The following KTN1 variants were observed in gnomAD, a reference collection of about 807,000 sequenced individuals.
The protein encoded by KTN1 is kinectin.
Under a neutral mutation model 222.5 loss-of-function variants are expected in KTN1, and 130 were observed. The observed-to-expected ratio is 0.58, with a 90% CI of 0.51 to 0.68. The LOEUF (loss-of-function observed/expected upper bound fraction) is 0.68, where lower values mean the gene tolerates loss of function less well. Ranked by LOEUF, KTN1 falls within the 30% of genes least tolerant of loss-of-function variation. The pLI is 0.00. For missense variants in KTN1, 1,508 were observed against 1,500.4 expected, an observed-to-expected ratio of 1.01 and a Z score of -0.08; for synonymous variants, 512 against 496.3, an observed-to-expected ratio of 1.03 and a Z score of -0.42.
intron 42 of KTN1, 185 bp downstream of exon 42, chr14:55,678,629 T>C (rs1427151697): frequency 9.0e-6 from 5 of 554,166 alleles, no homozygotes; most frequent in Non-Finnish European, 1.6e-5. Context: ...TTTTAAGGGT[T>C]GTGTTGAGAG....
intron 1 of KTN1, among the ~76,000 whole-genome samples, chr14:55,586,418 T>TTATCATATCA (rs147864058): frequency 1.9e-4 from 28 of 149,742 alleles, no homozygotes; most frequent in African/African-American, 6.8e-4. Flanking sequence ...TTTAGGTGCA[T>TTATCATATCA]TATCATATCA....
intron 6 of KTN1, 126 bp downstream of exon 6, chr14:55,628,154 T>C (rs1001880999): frequency 4.8e-6 from 3 of 631,510 alleles, no homozygotes; most frequent in Non-Finnish European, 2.8e-6. Flanking sequence ...AACTTTCCTT[T>C]AGAGTTTTGG....
chr14:55,591,125 A>G (rs2140358993), intron 1 of KTN1, among the ~76,000 whole-genome samples: 1 of 152,322 alleles, frequency 6.6e-6, no homozygotes, highest in African/African-American at 2.4e-5. Flanking sequence ...CTTGAATAGC[A>G]TAGGTCTATT....
intron 18 of KTN1, 98 bp from the exon 19 acceptor site, chr14:55,646,875 A>G (rs2042418413): frequency 1.3e-6 from 1 of 763,140 alleles, no homozygotes; most frequent in African/African-American, 1.8e-5. Flanking sequence ...TATCTATTTA[A>G]TAACCCTAAA....
At position 55,663,949 on chromosome 14, in the gene KTN1, G is replaced by T; in HGVS notation, c.3091-6G>T. The T allele has an allele frequency of 6.2e-7, 1 of 1,602,956 alleles. No individual in the cohort carries two copies. Among genetic ancestry groups the T allele is most frequent in the Non-Finnish European group, 8.5e-7 (1 of 1,170,900 alleles). On this transcript the variant is annotated splice_region_variant and splice_polypyrimidine_tract_variant and intron_variant, in intron 32 of 43. Transcript: ENST00000395314. ...AACTGAAATCATTCTTTCTAAAAAT[G>T]ATTAGGACCTTCGGGAGAAAAACTG...
chr14:55,615,770 G>C (rs2038262077), intron 2 of KTN1, among the ~76,000 whole-genome samples: 1 of 151,886 alleles, frequency 6.6e-6, no homozygotes, highest in South Asian at 2.1e-4. Flanking sequence ...TTATGGTGAT[G>C]GGGAAGGGTT....
intron 1 of KTN1, among the ~76,000 whole-genome samples, chr14:55,587,884 T>C (rs2033349969): frequency 6.6e-6 from 1 of 152,192 alleles, no homozygotes; most frequent in African/African-American, 2.4e-5. Context: ...ATTGAATCCT[T>C]TTGTAAAAGT....
Position 55,640,566 on chromosome 14 carries a change from G to C in KTN1, c.1983+124G>C, listed in dbSNP as rs571372607. On this transcript the variant is annotated intron_variant, in intron 15 of 43. Transcript: ENST00000395314. ...AAAATATAATGGTTTATCATCTTTG[G>C]CTGCATGATTTGATGTTACTGTTTT... 24 of 665,864 alleles carry C rather than the reference G, an allele frequency of 3.6e-5. No individual in the cohort carries two copies. The Middle Eastern group carries it at 1.0e-3, about 28-fold the overall frequency. 41.2% of individuals were successfully genotyped at this position (665,864 alleles called of 1,614,324 possible).
Position 55,648,078 on chromosome 14 carries a change from G to T in KTN1, c.2261G>T (p.Gly754Val), listed in dbSNP as rs749479920. 1.9e-6 allele frequency: 3 copies of T among 1,570,386 alleles called. No individual in the cohort carries two copies. The highest frequency in any genetic ancestry group is 2.4e-5 in the South Asian group (2 of 83,780). Residue 754 changes from glycine to valine, a missense_variant, in exon 20 of 44, where the codon GGA becomes GTA. Gly to Val is a moderately radical substitution (Grantham distance 109). Coordinates refer to ENST00000395314, the MANE Select transcript of KTN1 (RefSeq NM_001079521.2). ...ACTGTGGAAGAATTACTTGAAACTG[G>T]ACTTATTCAGGTGGCAACTAAAGAA... The part of the protein sequence containing the change: ...LKTVEELLET[G>V]LIQVATKEEE...
intron 5 of KTN1, among the ~76,000 whole-genome samples, chr14:55,620,310 A>G (rs955866602): frequency 6.6e-6 from 1 of 152,146 alleles, no homozygotes; most frequent in African/African-American, 2.4e-5. Flanking sequence ...TCACAGTACA[A>G]GCTGTCAGTG....
intron 25 of KTN1, 131 bp downstream of exon 25, chr14:55,652,058 C>A (rs1332319530): frequency 4.9e-6 from 3 of 609,660 alleles, no homozygotes; most frequent in Admixed American, 7.0e-5. Context: ...TATCTCAAAA[C>A]TCCTAAGGGC....
intron 33 of KTN1, among the ~76,000 whole-genome samples, 157 bp downstream of exon 33, chr14:55,664,198 C>T (rs150023808): frequency 3.0e-3 from 464 of 152,162 alleles, no homozygotes; most frequent in Non-Finnish European, 3.9e-3. Context: ...TTCATCTACT[C>T]CTTGAAGCTT....
intron 14 of KTN1, 136 bp downstream of exon 14, chr14:55,640,139 C>T: frequency 3.0e-6 from 2 of 675,750 alleles, no homozygotes; most frequent in Admixed American, 2.9e-5. Flanking sequence ...TTTTTCTAAA[C>T]TACAAAATTC....
intron 1 of KTN1, among the ~76,000 whole-genome samples, chr14:55,597,274 A>G (rs2035213154): frequency 1.3e-5 from 2 of 152,202 alleles, no homozygotes; most frequent in Admixed American, 6.5e-5. Context: ...AGTGAGTAAA[A>G]GTCTTCAGGG....
intron 43 of KTN1, chr14:55,682,038 A>G (rs2046417265): frequency 6.6e-6 from 1 of 152,188 alleles, no homozygotes; most frequent in South Asian, 2.1e-4. Flanking sequence ...AACCTTTAAA[A>G]ATATACACAA....
At chr14:55,672,768 A>G (rs1162159479) in intron 38 of KTN1, 67 bp downstream of exon 38, 5 of 1,175,286 alleles carry the variant, frequency 4.3e-6, no homozygotes, top group Non-Finnish European at 6.3e-6. Context: ...TTGTCTGAAG[A>G]TCTATAGTTT....
chr14:55,597,959 T>A (rs1372788470), intron 1 of KTN1, among the ~76,000 whole-genome samples: 1 of 152,154 alleles, frequency 6.6e-6, no homozygotes, highest in East Asian at 1.9e-4. Flanking sequence ...CACCATTTAA[T>A]TGGTGTACTT....
At chr14:55,622,932 C>A (rs540737870) in intron 5 of KTN1, among the ~76,000 whole-genome samples, 1 of 152,186 alleles carries the variant, frequency 6.6e-6, no homozygotes, top group African/African-American at 2.4e-5. Flanking sequence ...TATTCCCTCA[C>A]CAAATTTCAC....
intron 30 of KTN1, among the ~76,000 whole-genome samples, chr14:55,658,953 A>G (rs2043806103): frequency 1.3e-5 from 2 of 152,162 alleles, no homozygotes; most frequent in South Asian, 4.1e-4. Flanking sequence ...CTCTTCCCAA[A>G]TGAAACATTA....
Sources: allele counts gnomAD v4.1 joint callset (sites outside exome capture counted in the v4.1 genomes callset), GRCh38; gene constraint gnomAD v4.1.1; transcripts MANE v1.5; gene names NCBI Gene and HGNC (gene_info 2026-07-23, HGNC 2026-07-21).